TLCD4: variants seen among roughly 807,000 people sequenced by gnomAD.
The protein encoded by TLCD4 is TLC domain containing 4, also known as TLC domain-containing protein 4.
A neutral mutation model predicts 24.2 loss-of-function variants in TLCD4; 7 were observed. The observed-to-expected ratio is 0.29, with a 90% CI of 0.16 to 0.54. The LOEUF (loss-of-function observed/expected upper bound fraction) is 0.54. Ranked by LOEUF, TLCD4 falls within the 20% of genes least tolerant of loss-of-function variation. The pLI, the probability that TLCD4 is intolerant of heterozygous loss-of-function variation, is 0.95. For synonymous variants in TLCD4, 103 were observed against 106.4 expected (o/e 0.97, Z 0.20); for missense variants, 259 against 313.9 (o/e 0.82, Z 1.32).
In TLCD4 at chr1:95,192,499, A is replaced by G. The variant is rs1025274806; in HGVS notation, c.*631A>G. On this transcript the variant is annotated 3_prime_UTR_variant, in exon 7 of 7. Transcript: ENST00000370203. ...TTCTCTGTGAAAGATGACTATGATAATCTGGTACAAATGGTTTTATGTCAC... is the reference window on the plus strand; with the variant it reads ...TTCTCTGTGAAAGATGACTATGATAGTCTGGTACAAATGGTTTTATGTCAC... 4 of 152,236 alleles carry G rather than the reference A, an allele frequency of 2.6e-5. No homozygotes were observed. The highest frequency in any genetic ancestry group is 9.6e-5 in the African/African-American group (4 of 41,466). 9.4% of individuals were successfully genotyped at this position (152,236 alleles called of 1,614,324 possible).
intron 5 of TLCD4, among the ~76,000 whole-genome samples, chr1:95,171,840 A>G (rs1678240624): frequency 1.3e-5 from 2 of 152,206 alleles, no homozygotes; most frequent in African/African-American, 4.8e-5. Context: ...AACTCCCAGT[A>G]CCTTAGAATG....
At chr1:95,141,144 C>T (rs1265125488) in intron 1 of TLCD4, among the ~76,000 whole-genome samples, 2 of 152,090 alleles carry the variant, frequency 1.3e-5, no homozygotes, top group African/African-American at 2.4e-5. Flanking sequence ...AAACATATAT[C>T]CCAAAGTCTT....
chr1:95,151,293 T>C (rs756506494), intron 4 of TLCD4, 32 bp from the exon 5 acceptor site: 1 of 1,607,310 alleles, frequency 6.2e-7, no homozygotes, highest in Non-Finnish European at 8.5e-7. Flanking sequence ...TTTCTTCTTA[T>C]GTAATACCTT....
the TLCD4 span, among the ~76,000 whole-genome samples, chr1:95,099,277 C>T: frequency 6.6e-6 from 1 of 150,432 alleles, no homozygotes; most frequent in Non-Finnish European, 1.5e-5. Context: ...AGAAATGAAT[C>T]GTTATTATAC....
At chr1:95,136,142 C>G (rs1677035259) in intron 1 of TLCD4, among the ~76,000 whole-genome samples, 1 of 152,076 alleles carries the variant, frequency 6.6e-6, no homozygotes, top group Admixed American at 6.5e-5. Context: ...TTACACCACT[C>G]TAAGGGTACT....
intron 6 of TLCD4, among the ~76,000 whole-genome samples, chr1:95,188,388 A>AG (rs1467216136): frequency 1.9e-5 from 2 of 106,768 alleles, no homozygotes; most frequent in Admixed American, 1.1e-4. Flanking sequence ...ACTCCGTCTC[A>AG]GAAAAAAAAA....
At chr1:95,152,071 T>A (rs1677508878) in intron 5 of TLCD4, among the ~76,000 whole-genome samples, 1 of 152,092 alleles carries the variant, frequency 6.6e-6, no homozygotes, top group African/African-American at 2.4e-5. Flanking sequence ...GCAACTGCAA[T>A]TTTTTTCATA....
At chr1:95,146,675 G>A (rs1470838612) in intron 2 of TLCD4, among the ~76,000 whole-genome samples, 1 of 152,072 alleles carries the variant, frequency 6.6e-6, no homozygotes, top group Non-Finnish European at 1.5e-5. Context: ...ATTAACAGAA[G>A]TTTCTGAAAC....
chr1:95,139,392 T>G (rs1677136718), intron 1 of TLCD4, among the ~76,000 whole-genome samples: 1 of 151,526 alleles, frequency 6.6e-6, no homozygotes, highest in Admixed American at 6.6e-5. Flanking sequence ...ATTTCTTTTT[T>G]CAATAAATTA....
At chr1:95,109,244 T>C in the TLCD4 span, among the ~76,000 whole-genome samples, 1 of 152,052 alleles carries the variant, frequency 6.6e-6, no homozygotes, top group Non-Finnish European at 1.5e-5. Context: ...GGAAGACTGT[T>C]TGGGCCCAGG....
At chr1:95,162,533 A>G (rs1157733506) in intron 5 of TLCD4, among the ~76,000 whole-genome samples, 1 of 152,120 alleles carries the variant, frequency 6.6e-6, no homozygotes, top group African/African-American at 2.4e-5. Flanking sequence ...TGTGAATTTG[A>G]TCCTGCCATT....
upstream of TLCD4, chr1:95,117,268 G>A (rs1292658756): frequency 1.3e-5 from 2 of 152,266 alleles, no homozygotes; most frequent in Non-Finnish European, 2.9e-5. Flanking sequence ...GGTCTGCTCG[G>A]CGGCCCGCCT....
upstream of TLCD4, among the ~76,000 whole-genome samples, chr1:95,113,035 TTTTC>T (rs1409141471): frequency 3.3e-5 from 5 of 151,292 alleles, no homozygotes; most frequent in Non-Finnish European, 5.9e-5. Flanking sequence ...TTTCTTTTTC[TTTTC>T]TTTCTTTTTT....
At chr1:95,092,559 G>A in the TLCD4 span, among the ~76,000 whole-genome samples, 70 of 152,286 alleles carry the variant, frequency 4.6e-4, no homozygotes, top group Middle Eastern at 6.8e-3. Flanking sequence ...TCTTGCTACT[G>A]CTCACTCTTT....
intron 6 of TLCD4, among the ~76,000 whole-genome samples, chr1:95,176,954 G>A (rs1015746196): frequency 1.3e-5 from 2 of 152,168 alleles, no homozygotes; most frequent in Non-Finnish European, 2.9e-5. Context: ...GTACATGCAA[G>A]GGTTTAATTT....
chr1:95,093,219 G>T, the TLCD4 span, among the ~76,000 whole-genome samples: 1 of 152,162 alleles, frequency 6.6e-6, no homozygotes, highest in East Asian at 1.9e-4. Flanking sequence ...GAACCCAGGG[G>T]CCCAGATGAG....
At chr1:95,178,563 CTTT>C (rs57190787) in intron 6 of TLCD4, among the ~76,000 whole-genome samples, 6 of 82,352 alleles carry the variant, frequency 7.3e-5, no homozygotes, top group Non-Finnish European at 1.3e-4. Flanking sequence ...ATGCCCAGCC[CTTT>C]TTTTTTTTTT....
At chr1:95,109,829 T>C in the TLCD4 span, among the ~76,000 whole-genome samples, 1 of 150,142 alleles carries the variant, frequency 6.7e-6, no homozygotes, top group Non-Finnish European at 1.5e-5. Context: ...ACACACTTTT[T>C]GTTGCGATTA....
At chr1:95,137,872 G>T (rs1571734898) in intron 1 of TLCD4, among the ~76,000 whole-genome samples, 1 of 152,002 alleles carries the variant, frequency 6.6e-6, no homozygotes, top group Non-Finnish European at 1.5e-5. Flanking sequence ...GAGTAGTGGG[G>T]ACTACAGGAA....
Sources: gnomAD v4.1 joint callset for allele counts (sites outside exome capture counted in the v4.1 genomes callset) on GRCh38, gnomAD v4.1.1 for gene constraint, MANE v1.5 for transcripts, NCBI Gene and HGNC (gene_info 2026-07-23, HGNC 2026-07-21) for gene names.